The following RBMS3 variants were observed in gnomAD, a reference collection of about 807,000 sequenced individuals.
The protein encoded by RBMS3 is RNA binding motif single stranded interacting protein 3.
In RBMS3, 27 loss-of-function variants were observed where a neutral mutation model predicts 66.8. The ratio of observed to expected loss-of-function variants is 0.40; its 90% CI spans 0.30 to 0.56. The LOEUF (loss-of-function observed/expected upper bound fraction) is 0.56, where lower values mean the gene tolerates loss of function less well. Ranked by LOEUF, RBMS3 falls within the 20% of genes least tolerant of loss-of-function variation. The pLI is 0.40. For synonymous variants in RBMS3, 188 were observed against 183.0 expected (o/e 1.03, Z -0.22); for missense variants, 513 against 549.5 (o/e 0.93, Z 0.66).
At chr3:29,343,004 A>G (rs1227723738) in intron 1 of RBMS3, among the ~76,000 whole-genome samples, 1 of 152,180 alleles carries the variant, frequency 6.6e-6, no homozygotes. Flanking sequence ...TTAGGAAAGA[A>G]TTTTAGTGCA....
At chr3:29,801,272 C>CTTTTTT (rs200997680) in intron 6 of RBMS3, among the ~76,000 whole-genome samples, 1 of 129,476 alleles carries the variant, frequency 7.7e-6, no homozygotes. Flanking sequence ...TGCTTTTTTT[C>CTTTTTT]TTTTTTTTTT....
chr3:29,747,332 T>C (rs1236563092), intron 5 of RBMS3, among the ~76,000 whole-genome samples: 1 of 152,076 alleles, frequency 6.6e-6, no homozygotes, highest in African/African-American at 2.4e-5. Context: ...ATATAAACTC[T>C]CTGAGCCTCT....
chr3:29,413,561 A>G (rs926114201), intron 1 of RBMS3, among the ~76,000 whole-genome samples: 1 of 152,256 alleles, frequency 6.6e-6, no homozygotes, highest in African/African-American at 2.4e-5. Flanking sequence ...TTTATTTAAT[A>G]GTTACACTGG....
intron 6 of RBMS3, among the ~76,000 whole-genome samples, chr3:29,827,216 C>T (rs893236487): frequency 1.3e-5 from 2 of 152,116 alleles, no homozygotes; most frequent in African/African-American, 4.8e-5. Flanking sequence ...TTCAGAAGCC[C>T]CTGTACTTCC....
chr3:29,427,227 A>G (rs1203173365), intron 1 of RBMS3, among the ~76,000 whole-genome samples: 3 of 152,250 alleles, frequency 2.0e-5, no homozygotes, highest in African/African-American at 2.4e-5. Flanking sequence ...ATTGTTTACT[A>G]TGCTTGTATT....
intron 4 of RBMS3, among the ~76,000 whole-genome samples, chr3:29,726,812 G>A (rs2053898446): frequency 3.3e-5 from 5 of 152,140 alleles, no homozygotes. Context: ...TAGATTCAAT[G>A]CTATTCCTGT....
intron 4 of RBMS3, among the ~76,000 whole-genome samples, chr3:29,730,086 G>T (rs554614881): frequency 2.0e-5 from 3 of 151,626 alleles, no homozygotes; most frequent in South Asian, 4.2e-4. Context: ...TATATAAAAT[G>T]ATATTAATGT....
chr3:29,459,168 A>T (rs1422333760), intron 2 of RBMS3, among the ~76,000 whole-genome samples: 1 of 152,184 alleles, frequency 6.6e-6, no homozygotes, highest in African/African-American at 2.4e-5. Context: ...ACTTTCCAAG[A>T]TTCATTGATA....
At chr3:29,965,538 G>T (rs1696775499) in intron 12 of RBMS3, among the ~76,000 whole-genome samples, 1 of 152,034 alleles carries the variant, frequency 6.6e-6, no homozygotes, top group Non-Finnish European at 1.5e-5. Flanking sequence ...TTTGAGAATT[G>T]TCTATTCACG....
intron 14 of RBMS3, among the ~76,000 whole-genome samples, chr3:29,999,674 T>C (rs1190890437): frequency 2.0e-5 from 3 of 151,424 alleles, no homozygotes; most frequent in African/African-American, 4.9e-5. Flanking sequence ...AACCAAATAC[T>C]GCATGTTCTC....
intron 6 of RBMS3, among the ~76,000 whole-genome samples, chr3:29,864,570 G>T (rs1242599494): frequency 6.6e-6 from 1 of 152,102 alleles, no homozygotes; most frequent in Non-Finnish European, 1.5e-5. Flanking sequence ...CAGAACTGAT[G>T]AAAATAAAGC....
At chr3:29,351,015 T>C (rs755401111) in intron 1 of RBMS3, among the ~76,000 whole-genome samples, 6 of 152,146 alleles carry the variant, frequency 3.9e-5, no homozygotes, top group Non-Finnish European at 7.4e-5. Flanking sequence ...TATATATATA[T>C]TTGCACATAT....
intron 1 of RBMS3, among the ~76,000 whole-genome samples, chr3:29,284,912 A>G (rs1457669224): frequency 7.0e-6 from 1 of 142,274 alleles, no homozygotes; most frequent in Non-Finnish European, 1.5e-5. Context: ...AAGGAGGAAC[A>G]TTACTTCGCT....
intron 4 of RBMS3, among the ~76,000 whole-genome samples, chr3:29,599,866 C>T (rs2048084356): frequency 6.6e-6 from 1 of 152,008 alleles, no homozygotes; most frequent in South Asian, 2.1e-4. Context: ...AGTGCAAAAA[C>T]TGATCTTAAT....
intron 4 of RBMS3, among the ~76,000 whole-genome samples, chr3:29,732,513 T>G (rs2054180810): frequency 6.6e-6 from 1 of 152,094 alleles, no homozygotes; most frequent in Admixed American, 6.6e-5. Context: ...CACATAAAAT[T>G]AACTATCACA....
At chr3:29,939,641 T>C (rs1224438077) in intron 11 of RBMS3, among the ~76,000 whole-genome samples, 3 of 151,900 alleles carry the variant, frequency 2.0e-5, no homozygotes, top group Non-Finnish European at 4.4e-5. Flanking sequence ...CCCAAGGTTT[T>C]TCTGGTTCTC....
chr3:29,294,287 A>G (rs2033065196), intron 1 of RBMS3, among the ~76,000 whole-genome samples: 1 of 151,780 alleles, frequency 6.6e-6, no homozygotes, highest in South Asian at 2.1e-4. Context: ...ACATGTCCAC[A>G]TGGATACAAT....
chr3:29,813,061 G>C (rs200075207), intron 6 of RBMS3, among the ~76,000 whole-genome samples: 2 of 151,856 alleles, frequency 1.3e-5, no homozygotes, highest in East Asian at 3.9e-4. Context: ...TGTTTCATTT[G>C]TCATGATATT....
chr3:29,955,092 C>T (rs1188939648), intron 12 of RBMS3, among the ~76,000 whole-genome samples: 4 of 151,958 alleles, frequency 2.6e-5, no homozygotes, highest in Admixed American at 6.6e-5. Flanking sequence ...GGAGATTGTT[C>T]TACAAGGAGG....
Sources: gnomAD v4.1 joint callset for allele counts (sites outside exome capture counted in the v4.1 genomes callset) on GRCh38, gnomAD v4.1.1 for gene constraint, MANE v1.5 for transcripts, NCBI Gene and HGNC (gene_info 2026-07-23, HGNC 2026-07-21) for gene names.